PLSCR4: variants seen among roughly 807,000 people sequenced by gnomAD.
PLSCR4 encodes phospholipid scramblase 4.
PLSCR4 carries 25 observed loss-of-function variants against 36.3 expected under a neutral mutation model. That is an observed-to-expected ratio of 0.69 (90% CI 0.50 to 0.96). The LOEUF (loss-of-function observed/expected upper bound fraction) is 0.96. PLSCR4 is among the 40% of genes least tolerant of loss of function. PLSCR4 has a pLI of 0.00. For missense variants in PLSCR4, 408 were observed against 414.7 expected (o/e 0.98, Z 0.14); for synonymous variants, 122 against 132.9 (o/e 0.92, Z 0.56).
chr3:146,213,010 T>TA (rs980060505), intron 3 of PLSCR4, among the ~76,000 whole-genome samples: 48 of 152,310 alleles, frequency 3.2e-4, no homozygotes, highest in African/African-American at 1.1e-3. Context: ...ATATAGTACA[T>TA]ACATTGATGT....
chr3:146,216,344 A>G (rs2034890123), intron 3 of PLSCR4, among the ~76,000 whole-genome samples: 1 of 152,162 alleles, frequency 6.6e-6, no homozygotes, highest in African/African-American at 2.4e-5. Context: ...GGTGGAGATT[A>G]TGGTCTCTCT....
chr3:146,220,539 T>A lies in PLSCR4; in HGVS notation c.118+276A>T, dbSNP rs1318752853. 2.0e-5 allele frequency among the ~76,000 whole-genome samples: 3 copies of A among 152,196 alleles called. No individual in the cohort carries two copies. The East Asian group carries it at 5.8e-4, about 29-fold the overall frequency. On this transcript the variant is annotated intron_variant, in intron 3 of 8. Transcript: ENST00000354952. ...TCAAATCCCTGGCAATGTCAAATAC[T>A]GTCTTCTGTGTCCTTACAACACTCT...
rs2108188788 is a variant in PLSCR4, at chr3:146,193,544, T to A, written c.*867A>T. ...AGGCAATCTTAGAGATCTGGCAACT[T>A]ATTTTATATATAAGGCATCTGTGAC... On this transcript the variant is annotated 3_prime_UTR_variant, in exon 9 of 9. Transcript: ENST00000354952. The A allele has an allele frequency of 6.6e-6, 1 of 152,314 alleles. No homozygotes were observed. Among genetic ancestry groups the A allele is most frequent in the Admixed American group, 6.5e-5 (1 of 15,296 alleles). 9.4% of individuals were successfully genotyped at this position (152,314 alleles called of 1,614,324 possible). A position where few individuals can be genotyped will look rare whatever the true frequency, so the allele number is the denominator to read the frequency against.
Position 146,194,111 on chromosome 3 carries a change from G to A in PLSCR4, c.*300C>T, listed in dbSNP as rs1478082358. ...ACTACCTATTAATATGAGAACTCTG[G>A]ATTCATTTTCCCTTATCTCATGTTT... is the stretch of plus-strand genomic sequence containing the variant. On this transcript the variant is annotated 3_prime_UTR_variant, in exon 9 of 9. Coordinates refer to ENST00000354952, the MANE Select transcript of PLSCR4 (RefSeq NM_020353.3). 2 of 267,702 alleles carry A rather than the reference G, an allele frequency of 7.5e-6. No individual in the cohort carries two copies. The highest frequency in any genetic ancestry group is 4.4e-5 in the African/African-American group (2 of 45,122). The allele number at this position is 267,702 out of a possible 1,614,324, so 16.6% of individuals were successfully genotyped here. A position where few individuals can be genotyped will look rare whatever the true frequency, so the allele number is the denominator to read the frequency against.
At chr3:146,241,771 C>T (rs1220135259) in intron 1 of PLSCR4, among the ~76,000 whole-genome samples, 1 of 152,156 alleles carries the variant, frequency 6.6e-6, no homozygotes, top group African/African-American at 2.4e-5. Context: ...GCTCATAAAA[C>T]AAATCTTAAA....
At chr3:146,218,392 T>C (rs552315570) in intron 3 of PLSCR4, among the ~76,000 whole-genome samples, 45 of 151,996 alleles carry the variant, frequency 3.0e-4, no homozygotes, top group African/African-American at 9.6e-4. Context: ...ACTTTTAATA[T>C]AAAAGCACCT....
In PLSCR4 at chr3:146,212,434, TTTG is replaced by T. The variant is rs1380901221; in HGVS notation, c.119-5676_119-5674del. ...TGTGGGTATATATGGGTTTTTTTGT[TTTG>T]TTTTTTTTTGTTTTTTGGGTTTTTT... On this transcript the variant is annotated intron_variant, in intron 3 of 8. Coordinates refer to ENST00000354952, the MANE Select transcript of PLSCR4 (RefSeq NM_020353.3). Among the ~76,000 whole-genome samples, 8 of 15,724 alleles carry T rather than the reference TTTG, an allele frequency of 5.1e-4. 1 individual carries two copies. Among genetic ancestry groups the T allele is most frequent in the South Asian group, 4.6e-3 (1 of 218 alleles). The allele number at this position is 15,724 out of a possible 152,430, so 10.3% of individuals were successfully genotyped here. A position where few individuals can be genotyped will look rare whatever the true frequency, so the allele number is the denominator to read the frequency against.
intron 3 of PLSCR4, among the ~76,000 whole-genome samples, chr3:146,210,836 C>A (rs559041502): frequency 1.5e-5 from 2 of 135,456 alleles, no homozygotes; most frequent in Non-Finnish European, 3.3e-5. Context: ...ATACAATAGG[C>A]CTTTATGTCT....
intron 4 of PLSCR4, among the ~76,000 whole-genome samples, chr3:146,202,156 G>A (rs974487941): frequency 6.6e-6 from 1 of 151,904 alleles, no homozygotes; most frequent in Non-Finnish European, 1.5e-5. Context: ...GACATAAGGA[G>A]ACATAAATAT....
rs1300325064 is a variant in PLSCR4 at position 146,214,117 on chromosome 3, CTTT to C, written c.118+6695_118+6697del. ...GTTTGATTACTGATTTGATATCTTC[CTTT>C]TTTTTTTTTTTTTTTTTTTGAGACG... On this transcript the variant is annotated intron_variant, in intron 3 of 8. Coordinates refer to ENST00000354952, the MANE Select transcript of PLSCR4 (RefSeq NM_020353.3). 3.6e-5 allele frequency among the ~76,000 whole-genome samples: 2 copies of C among 55,802 alleles called. 1 individual carries two copies. Among genetic ancestry groups the C allele is most frequent in the Non-Finnish European group, 8.5e-5 (2 of 23,440 alleles). 36.6% of individuals were successfully genotyped at this position (55,802 alleles called of 152,430 possible). A position where few individuals can be genotyped will look rare whatever the true frequency, so the allele number is the denominator to read the frequency against.
At chr3:146,194,550 T>C in intron 8 of PLSCR4, 95 bp from the exon 9 acceptor site, 1 of 756,284 alleles carries the variant, frequency 1.3e-6, no homozygotes. Flanking sequence ...GATTCCCCCA[T>C]TCCAGTTAAA....
chr3:146,220,741 C>A (rs3762686), intron 3 of PLSCR4, 74 bp downstream of exon 3: 683,106 of 888,636 alleles, frequency 0.77, 263,586 homozygotes, highest in South Asian at 0.81. Context: ...TTAATTTGTT[C>A]GCTTAAAAAG....
At chr3:146,219,968 T>G (rs1190412127) in intron 3 of PLSCR4, among the ~76,000 whole-genome samples, 1 of 152,032 alleles carries the variant, frequency 6.6e-6, no homozygotes, top group East Asian at 1.9e-4. Context: ...CATTATCTTG[T>G]GCCATTATCT....
At chr3:146,225,550 C>G (rs1012393565) in intron 1 of PLSCR4, among the ~76,000 whole-genome samples, 3 of 152,182 alleles carry the variant, frequency 2.0e-5, no homozygotes, top group Admixed American at 2.0e-4. Flanking sequence ...TCAGGCATGG[C>G]AGGCAGCAGG....
At position 146,192,928 on chromosome 3, in the gene PLSCR4, T is replaced by A. The variant is rs1000450404; in HGVS notation, c.*1483A>T. 1 of 152,104 alleles carries A rather than the reference T, an allele frequency of 6.6e-6. No individual in the cohort carries two copies. Among genetic ancestry groups the A allele is most frequent in the Non-Finnish European group, 1.5e-5 (1 of 68,000 alleles). The allele number at this position is 152,104 out of a possible 1,614,324, so 9.4% of individuals were successfully genotyped here. ...TAATTAAAAAACAAAGCACCTTTCATTTCAAAAAGAACTGTAGGCTAAGAC... is the reference window on the plus strand; with the variant it reads ...TAATTAAAAAACAAAGCACCTTTCAATTCAAAAAGAACTGTAGGCTAAGAC... On this transcript the variant is annotated 3_prime_UTR_variant, in exon 9 of 9. Coordinates refer to ENST00000354952, the MANE Select transcript of PLSCR4 (RefSeq NM_020353.3).
intron 1 of PLSCR4, among the ~76,000 whole-genome samples, chr3:146,231,717 T>C (rs1393784970): frequency 6.6e-6 from 1 of 152,192 alleles, no homozygotes; most frequent in Non-Finnish European, 1.5e-5. Flanking sequence ...TGTTTTTCAC[T>C]TGTTGATTTG....
At chr3:146,198,769 G>A (rs1310629870) in intron 6 of PLSCR4, among the ~76,000 whole-genome samples, 2 of 151,720 alleles carry the variant, frequency 1.3e-5, no homozygotes, top group Admixed American at 6.6e-5. Context: ...GTATCTATAG[G>A]CTTTGATTAA....
intron 1 of PLSCR4, among the ~76,000 whole-genome samples, chr3:146,222,657 C>T (rs889814969): frequency 6.6e-6 from 1 of 152,042 alleles, no homozygotes; most frequent in African/African-American, 2.4e-5. Flanking sequence ...GTGAAGCGAA[C>T]TGAGGTAAGA....
intron 1 of PLSCR4, chr3:146,223,793 T>C (rs567272737): frequency 6.7e-6 from 1 of 148,914 alleles, no homozygotes; most frequent in Non-Finnish European, 1.5e-5. Context: ...AAAATACATA[T>C]AAATATATTT....
Sources: gnomAD v4.1 joint callset for allele counts (sites outside exome capture counted in the v4.1 genomes callset) on GRCh38, gnomAD v4.1.1 for gene constraint, MANE v1.5 for transcripts, NCBI Gene and HGNC (gene_info 2026-07-23, HGNC 2026-07-21) for gene names.